DLGAP2: variants seen among roughly 807,000 people sequenced by gnomAD.
DLGAP2 encodes the protein DLG associated protein 2.
DLGAP2 carries 26 observed loss-of-function variants against 100.3 expected under a neutral mutation model. The ratio of observed to expected loss-of-function variants is 0.26; its 90% CI spans 0.19 to 0.36. The LOEUF is 0.36. DLGAP2 is among the 10% of genes least tolerant of loss of function. DLGAP2 has a pLI of 1.00. For synonymous variants in DLGAP2, 886 were observed against 630.1 expected, an observed-to-expected ratio of 1.41 and a Z score of -6.08; for missense variants, 1,858 against 1,453.2, an observed-to-expected ratio of 1.28 and a Z score of -4.53.
At chr8:1,058,103 G>A (rs11779746) in intron 2 of DLGAP2, among the ~76,000 whole-genome samples, 24,133 of 152,210 alleles carry the variant, frequency 0.16, 2,534 homozygotes, top group Non-Finnish European at 0.24. Flanking sequence ...TGAGGATCAC[G>A]TGGGGTTGCA....
intron 3 of DLGAP2, among the ~76,000 whole-genome samples, chr8:1,436,704 G>A (rs1245140041): frequency 3.3e-5 from 5 of 151,958 alleles, no homozygotes; most frequent in African/African-American, 9.7e-5. Context: ...GTCTCGGGCC[G>A]CGCATTCACT....
intron 2 of DLGAP2, among the ~76,000 whole-genome samples, chr8:1,046,940 T>A (rs1802532918): frequency 7.5e-6 from 1 of 132,922 alleles, no homozygotes; most frequent in African/African-American, 2.7e-5. Flanking sequence ...ATCCTTTTTT[T>A]GTTGTTTTAT....
intron 2 of DLGAP2, chr8:910,270 C>G (rs112528712): frequency 2.2e-4 from 33 of 152,292 alleles, no homozygotes; most frequent in African/African-American, 7.5e-4. Flanking sequence ...TTTAGAAATG[C>G]TTTATACTCC....
chr8:1,630,585 C>G (rs1183334079), intron 7 of DLGAP2, among the ~76,000 whole-genome samples: 1 of 151,896 alleles, frequency 6.6e-6, no homozygotes, highest in Non-Finnish European at 1.5e-5. Flanking sequence ...ACCTGTGGTC[C>G]CAGCTACTCG....
intron 2 of DLGAP2, among the ~76,000 whole-genome samples, chr8:1,050,537 G>T (rs530392084): frequency 6.6e-6 from 1 of 152,122 alleles, no homozygotes; most frequent in Non-Finnish European, 1.5e-5. Flanking sequence ...CTCATGATGG[G>T]TTTATTAGGA....
intron 2 of DLGAP2, among the ~76,000 whole-genome samples, chr8:1,233,974 T>A (rs1798591002): frequency 6.6e-6 from 1 of 152,190 alleles, no homozygotes; most frequent in East Asian, 1.9e-4. Flanking sequence ...AGGTGGTCAA[T>A]AGGCCTGCAC....
intron 3 of DLGAP2, among the ~76,000 whole-genome samples, chr8:1,428,144 A>C (rs751290897): frequency 1.4e-5 from 2 of 144,312 alleles, no homozygotes; most frequent in Non-Finnish European, 3.2e-5. Context: ...AATAAAAAAT[A>C]ATCAAAATAG....
chr8:973,912 G>A (rs1384272698), intron 2 of DLGAP2, among the ~76,000 whole-genome samples: 5 of 147,000 alleles, frequency 3.4e-5, no homozygotes, highest in South Asian at 2.3e-4. Flanking sequence ...CACCGCCACC[G>A]CCGCCACCCC....
chr8:1,223,341 G>T (rs368103249), intron 2 of DLGAP2, among the ~76,000 whole-genome samples: 1 of 152,168 alleles, frequency 6.6e-6, no homozygotes, highest in Admixed American at 6.5e-5. Flanking sequence ...TGTGAGAAGC[G>T]CTTCCCGTGT....
At chr8:1,199,899 C>G (rs1439309466) in intron 2 of DLGAP2, among the ~76,000 whole-genome samples, 3 of 152,070 alleles carry the variant, frequency 2.0e-5, no homozygotes, top group Admixed American at 6.5e-5. Flanking sequence ...TCTACACCGC[C>G]CCCTCCCCTG....
At chr8:1,020,122 C>G (rs1458698304) in intron 2 of DLGAP2, among the ~76,000 whole-genome samples, 2 of 152,118 alleles carry the variant, frequency 1.3e-5, no homozygotes, top group Non-Finnish European at 2.9e-5. Flanking sequence ...ATAAATCATA[C>G]AATTATTCAA....
chr8:931,059 G>A (rs2129003353), intron 2 of DLGAP2, among the ~76,000 whole-genome samples: 2 of 152,278 alleles, frequency 1.3e-5, no homozygotes, highest in South Asian at 4.1e-4. Flanking sequence ...CCGAGGTGGG[G>A]GCAGTAAAAG....
rs1372807878 is a variant in DLGAP2, at chr8:962,974, G to A, written c.73+55008G>A. Among the ~76,000 whole-genome samples, 3 of 152,208 alleles carry A rather than the reference G, an allele frequency of 2.0e-5. No individual in the cohort carries two copies. The East Asian group carries it at 5.8e-4, about 29-fold the overall frequency. ...TCAGGAGGCAGGTCTTAGGTTCGGG[G>A]TCCTCTGATGGGAAAAGTGTGGGAA... On this transcript the variant is annotated intron_variant, in intron 2 of 14. Transcript: ENST00000637795.
chr8:1,626,901 C>T lies in DLGAP2; in HGVS notation c.1590+14C>T, dbSNP rs375928713. 12 of 1,577,684 alleles carry T rather than the reference C, an allele frequency of 7.6e-6. No individual in the cohort carries two copies. Among genetic ancestry groups the T allele is most frequent in the Admixed American group, 5.4e-5 (3 of 55,692 alleles). ...TGCGTGAGCCAGGTCAGGGTCCCTT[C>T]GCCCTTTCTCCCTGGGGTCCAGTCT... On this transcript the variant is annotated intron_variant, in intron 7 of 14. Transcript: ENST00000637795.
intron 3 of DLGAP2, among the ~76,000 whole-genome samples, chr8:1,303,358 C>T (rs538483107): frequency 2.7e-5 from 4 of 150,096 alleles, no homozygotes; most frequent in Non-Finnish European, 3.0e-5. Flanking sequence ...GATCGCGCCA[C>T]CGCACTCCAG....
In DLGAP2 at chr8:1,565,113, T is replaced by G. The variant is rs73671225; in HGVS notation, c.1231-570T>G. 2.6e-3 allele frequency among the ~76,000 whole-genome samples: 389 copies of G among 152,292 alleles called. 2 individuals are homozygous for G. The highest frequency in any genetic ancestry group is 8.9e-3 in the African/African-American group (371 of 41,572). On this transcript the variant is annotated intron_variant, in intron 5 of 14. Coordinates refer to ENST00000637795, the MANE Select transcript of DLGAP2 (RefSeq NM_001346810.2). ...TGAGTTCTGTAACAGGCAGACATAT[T>G]CCATGCACAGGTGCTTGGTGATATG...
intron 2 of DLGAP2, among the ~76,000 whole-genome samples, chr8:923,609 G>C (rs1196354589): frequency 1.3e-5 from 2 of 152,188 alleles, no homozygotes; most frequent in African/African-American, 2.4e-5. Context: ...GTATGGCGTA[G>C]AATTCCTTGG....
At chr8:1,485,858 C>G (rs770378975) in intron 3 of DLGAP2, among the ~76,000 whole-genome samples, 27 of 152,108 alleles carry the variant, frequency 1.8e-4, no homozygotes, top group African/African-American at 6.0e-4. Flanking sequence ...AACCCCATCT[C>G]TACTAAAATA....
intron 2 of DLGAP2, among the ~76,000 whole-genome samples, chr8:1,046,369 T>C (rs1802515625): frequency 6.6e-6 from 1 of 152,194 alleles, no homozygotes; most frequent in Non-Finnish European, 1.5e-5. Flanking sequence ...GTTTTTATTT[T>C]GCTTGTACTT....
Sources: allele counts gnomAD v4.1 joint callset (sites outside exome capture counted in the v4.1 genomes callset), GRCh38; gene constraint gnomAD v4.1.1; transcripts MANE v1.5; gene names NCBI Gene and HGNC (gene_info 2026-07-23, HGNC 2026-07-21).